VAV2: variants seen among roughly 807,000 people sequenced by gnomAD.
VAV2 encodes the protein guanine nucleotide exchange factor VAV2.
VAV2 carries 67 observed loss-of-function variants against 132.5 expected under a neutral mutation model. The ratio of observed to expected loss-of-function variants is 0.51; its 90% CI spans 0.42 to 0.62. The LOEUF (loss-of-function observed/expected upper bound fraction) is 0.62. Ranked by LOEUF, VAV2 falls within the 20% of genes least tolerant of loss-of-function variation. The probability of loss-of-function intolerance (pLI) is 0.00; values close to 1 mark genes in which losing one functional copy is unlikely to be tolerated. For missense variants in VAV2, 938 were observed against 1,153.6 expected, an observed-to-expected ratio of 0.81 and a Z score of 2.71; for synonymous variants, 492 against 443.5, an observed-to-expected ratio of 1.11 and a Z score of -1.37.
intron 1 of VAV2, among the ~76,000 whole-genome samples, chr9:133,980,414 A>G (rs1842656712): frequency 6.6e-6 from 1 of 152,162 alleles, no homozygotes; most frequent in Non-Finnish European, 1.5e-5. Context: ...GGCGGTCCTG[A>G]AACAAACCCA....
At chr9:133,931,579 G>A (rs1840690072) in intron 2 of VAV2, among the ~76,000 whole-genome samples, 1 of 152,096 alleles carries the variant, frequency 6.6e-6, no homozygotes, top group African/African-American at 2.4e-5. Context: ...CCTGACCTAG[G>A]GTGCAAGTGC....
rs3780764 is a variant in VAV2, at chr9:133,935,048, C to T, written c.321+4055G>A. On this transcript the variant is annotated intron_variant, in intron 2 of 29. Transcript: ENST00000371850. The surrounding 1 kb of genome is among the most constrained non-coding windows in gnomAD (Gnocchi z 5.2). ...CCTGACCAGCCCCACCCACCCCAGA[C>T]GACAGTCAGTTCTGACTGCAGAGCT... Among the ~76,000 whole-genome samples, 64 of 146,998 alleles carry T rather than the reference C, an allele frequency of 4.4e-4. No homozygotes were observed. The East Asian group carries it at 0.011, about 25-fold the overall frequency.
chr9:133,962,337 TCCA>T (rs1841992677), intron 1 of VAV2, among the ~76,000 whole-genome samples: 1 of 151,996 alleles, frequency 6.6e-6, no homozygotes, highest in African/African-American at 2.4e-5. Context: ...GCCAGCAGAG[TCCA>T]GCCATGCCCA....
intron 1 of VAV2, among the ~76,000 whole-genome samples, chr9:133,964,237 A>G (rs898284023): frequency 2.0e-5 from 3 of 150,858 alleles, no homozygotes; most frequent in African/African-American, 7.3e-5. Context: ...ACACGCCTGT[A>G]GTCCCAGCTA....
In VAV2 at chr9:133,931,042, G is replaced by A. The variant is rs80253216; in HGVS notation, c.321+8061C>T. Among the ~76,000 whole-genome samples the A allele has an allele frequency of 3.0e-4, 46 of 152,324 alleles. 2 individuals are homozygous for A. In the East Asian group the frequency reaches 8.1e-3, roughly 27 times the overall value. On this transcript the variant is annotated intron_variant, in intron 2 of 29. Coordinates refer to ENST00000371850, the MANE Select transcript of VAV2 (RefSeq NM_001134398.2). Reference sequence around the variant, plus strand: ...GATTTCCTCTGGGAAGGTTCATTCCGCCCCGAGTGAGGCTGGAGTGAAGTG... The same window carrying A: ...GATTTCCTCTGGGAAGGTTCATTCCACCCCGAGTGAGGCTGGAGTGAAGTG...
At position 133,803,094 on chromosome 9, in the gene VAV2, A is replaced by T. The variant is rs543854514; in HGVS notation, c.836+2987T>A. On this transcript the variant is annotated intron_variant, in intron 9 of 29. Transcript: ENST00000371850. Reference sequence around the variant, plus strand: ...ACCCAGCCTTGGGCTTCGGGTAGGAACCATCCACAGGGCAGCCTCACTCGT... The same window carrying T: ...ACCCAGCCTTGGGCTTCGGGTAGGATCCATCCACAGGGCAGCCTCACTCGT... 2.0e-5 allele frequency among the ~76,000 whole-genome samples: 3 copies of T among 151,888 alleles called. No individual in the cohort carries two copies. The East Asian group carries it at 5.9e-4, about 30-fold the overall frequency.
intron 29 of VAV2, among the ~76,000 whole-genome samples, chr9:133,764,621 T>C (rs1473522784): frequency 1.3e-5 from 2 of 151,854 alleles, no homozygotes; most frequent in South Asian, 2.1e-4. Context: ...ATACGATGAA[T>C]GAAATGAAGA....
At chr9:133,949,701 T>C (rs1841490781) in intron 1 of VAV2, among the ~76,000 whole-genome samples, 1 of 152,018 alleles carries the variant, frequency 6.6e-6, no homozygotes, top group African/African-American at 2.4e-5. Context: ...CCCGGAGGCA[T>C]GGATTCAAAA....
intron 1 of VAV2, among the ~76,000 whole-genome samples, chr9:133,971,605 T>C (rs1842336849): frequency 6.6e-6 from 1 of 152,162 alleles, no homozygotes; most frequent in Non-Finnish European, 1.5e-5. Flanking sequence ...ACCCATTTCA[T>C]ACTGCAAAGG....
Position 133,969,655 on chromosome 9 carries a change from C to A in VAV2, c.204+22420G>T, listed in dbSNP as rs1306118223. Among the ~76,000 whole-genome samples, 1 of 152,138 alleles carries A rather than the reference C, an allele frequency of 6.6e-6. No homozygotes were observed. Among genetic ancestry groups the A allele is most frequent in the Non-Finnish European group, 1.5e-5 (1 of 68,014 alleles). On this transcript the variant is annotated intron_variant, in intron 1 of 29. Coordinates refer to ENST00000371850, the MANE Select transcript of VAV2 (RefSeq NM_001134398.2). The surrounding 1 kb of genome is among the most constrained non-coding windows in gnomAD (Gnocchi z 5.1). ...ACTCCAGATGAGCCCCACTGTCCATCGCACTGCTCAAGCCTGACCCCAGAG... is the reference window on the plus strand; with the variant it reads ...ACTCCAGATGAGCCCCACTGTCCATAGCACTGCTCAAGCCTGACCCCAGAG...
chr9:133,990,692 G>A (rs945989037), intron 1 of VAV2, among the ~76,000 whole-genome samples: 22 of 152,184 alleles, frequency 1.4e-4, no homozygotes, highest in Admixed American at 1.4e-3. Flanking sequence ...AGTTTCTCCA[G>A]CCATAAAATG....
chr9:133,925,310 G>C (rs566587636), intron 2 of VAV2, among the ~76,000 whole-genome samples: 117 of 152,232 alleles, frequency 7.7e-4, no homozygotes, highest in African/African-American at 2.6e-3. Flanking sequence ...TCCGCCTCCC[G>C]GGCTCAAGCA....
At chr9:133,819,256 AAC>A (rs1166116648) in intron 4 of VAV2, among the ~76,000 whole-genome samples, 3 of 151,560 alleles carry the variant, frequency 2.0e-5, no homozygotes, top group Admixed American at 1.3e-4. Flanking sequence ...CATCCTGGCT[AAC>A]ACAGTGAAAC....
intron 2 of VAV2, among the ~76,000 whole-genome samples, chr9:133,886,042 G>A (rs964358009): frequency 6.6e-6 from 1 of 152,206 alleles, no homozygotes; most frequent in Admixed American, 6.5e-5. Flanking sequence ...CTGACAGCTG[G>A]GGGGCGGGAA....
At chr9:133,777,315 G>T in intron 23 of VAV2, 74 bp downstream of exon 23, 2 of 1,501,900 alleles carry the variant, frequency 1.3e-6, no homozygotes, top group Non-Finnish European at 1.8e-6. Flanking sequence ...AAATGTCCAC[G>T]TGAGGAGGCA....
At chr9:133,940,365 A>T (rs926084024) in intron 1 of VAV2, among the ~76,000 whole-genome samples, 5 of 152,196 alleles carry the variant, frequency 3.3e-5, no homozygotes, top group African/African-American at 1.2e-4. Context: ...GCCCAGCTCC[A>T]AGAGCAGTTC....
At chr9:133,936,485 C>T (rs977667569) in intron 2 of VAV2, among the ~76,000 whole-genome samples, 7 of 152,146 alleles carry the variant, frequency 4.6e-5, no homozygotes, top group South Asian at 2.1e-4. Context: ...TCAAATGATC[C>T]GCCCACCTCA....
At chr9:133,784,735 C>T (rs767512501) in intron 17 of VAV2, among the ~76,000 whole-genome samples, 9 of 152,126 alleles carry the variant, frequency 5.9e-5, no homozygotes, top group African/African-American at 2.2e-4. Flanking sequence ...ACTCAGAAAA[C>T]ATATACTTAA....
In VAV2 at chr9:133,963,327, G is replaced by A. The variant is rs180861818; in HGVS notation, c.205-24108C>T. ...TCAGGAAGACCCAGGAAACGCCACTGACCAGAACCAAGGGAGAGAGGGCAC... is the reference window on the plus strand; with the variant it reads ...TCAGGAAGACCCAGGAAACGCCACTAACCAGAACCAAGGGAGAGAGGGCAC... On this transcript the variant is annotated intron_variant, in intron 1 of 29. Coordinates refer to ENST00000371850, the MANE Select transcript of VAV2 (RefSeq NM_001134398.2). Among the ~76,000 whole-genome samples the A allele has an allele frequency of 5.3e-5, 8 of 152,286 alleles. 1 individual carries two copies. The highest frequency in any genetic ancestry group is 5.2e-4 in the Admixed American group (8 of 15,298).
Sources: allele counts gnomAD v4.1 joint callset (sites outside exome capture counted in the v4.1 genomes callset), GRCh38; gene constraint gnomAD v4.1.1; non-coding constraint Gnocchi (gnomAD v3.1); transcripts MANE v1.5; gene names NCBI Gene and HGNC (gene_info 2026-07-23, HGNC 2026-07-21).